Variants in OXR1 observed in about 807,000 individuals in gnomAD.
OXR1 encodes the protein oxidation resistance protein 1.
In OXR1, 41 loss-of-function variants were observed where a neutral mutation model predicts 104.6. That is an observed-to-expected ratio of 0.39 (90% CI 0.31 to 0.51). The LOEUF (loss-of-function observed/expected upper bound fraction) is 0.51, where lower values mean the gene tolerates loss of function less well. OXR1 is among the 20% of genes least tolerant of loss of function. The pLI is 0.77. For missense variants in OXR1, 955 were observed against 1,031.9 expected (o/e 0.93, Z 1.02); for synonymous variants, 348 against 348.4 (o/e 1.00, Z 0.01).
At chr8:106,289,301 C>G (rs1586477805) in intron 1 of OXR1, among the ~76,000 whole-genome samples, 1 of 152,210 alleles carries the variant, frequency 6.6e-6, no homozygotes, top group Middle Eastern at 3.4e-3. Context: ...AACTGATAAG[C>G]TATTTTAATA....
At chr8:106,492,103 C>T (rs879222492) in intron 2 of OXR1, among the ~76,000 whole-genome samples, 1 of 152,248 alleles carries the variant, frequency 6.6e-6, no homozygotes, top group East Asian at 1.9e-4. Context: ...ATAACTTTTG[C>T]CTGATGTCCA....
At chr8:106,450,882 C>T (rs1820277447) in intron 2 of OXR1, among the ~76,000 whole-genome samples, 1 of 152,006 alleles carries the variant, frequency 6.6e-6, no homozygotes, top group African/African-American at 2.4e-5. Flanking sequence ...CTTATCTAGT[C>T]ATTCCCCTAA....
chr8:106,332,366 A>G (rs1814754493), intron 1 of OXR1, among the ~76,000 whole-genome samples: 1 of 152,188 alleles, frequency 6.6e-6, no homozygotes, highest in Non-Finnish European at 1.5e-5. Flanking sequence ...TAAGAAACTT[A>G]AAATGCTTAT....
At chr8:106,680,592 C>A (rs950381109) in intron 4 of OXR1, among the ~76,000 whole-genome samples, 1 of 152,022 alleles carries the variant, frequency 6.6e-6, no homozygotes, top group African/African-American at 2.4e-5. Context: ...TTGATTGTAT[C>A]TTCTGTCTGC....
chr8:106,512,227 G>A (rs1422992765), intron 2 of OXR1, among the ~76,000 whole-genome samples: 1 of 152,146 alleles, frequency 6.6e-6, no homozygotes, highest in Non-Finnish European at 1.5e-5. Flanking sequence ...CCACATTATG[G>A]ATTCAATTCC....
intron 2 of OXR1, among the ~76,000 whole-genome samples, chr8:106,424,782 ATAATT>A (rs1168167498): frequency 2.0e-5 from 3 of 152,194 alleles, no homozygotes; most frequent in African/African-American, 7.2e-5. Flanking sequence ...TTTGATTACT[ATAATT>A]TATTTTTTTA....
intron 6 of OXR1, among the ~76,000 whole-genome samples, chr8:106,685,159 T>A (rs894954125): frequency 1.3e-5 from 2 of 152,184 alleles, no homozygotes; most frequent in African/African-American, 2.4e-5. Flanking sequence ...TTACATTTGT[T>A]GTCATCATTG....
intron 7 of OXR1, among the ~76,000 whole-genome samples, chr8:106,694,927 T>C (rs9693378): frequency 1.5e-5 from 2 of 136,638 alleles, no homozygotes; most frequent in East Asian, 4.1e-4. Flanking sequence ...TTATATATAT[T>C]TATATATATA....
At chr8:106,379,765 A>C (rs560034903) in intron 2 of OXR1, among the ~76,000 whole-genome samples, 2 of 151,212 alleles carry the variant, frequency 1.3e-5, no homozygotes, top group African/African-American at 4.8e-5. Context: ...GTGGTCTCGA[A>C]CTCCTGGCCT....
intron 2 of OXR1, among the ~76,000 whole-genome samples, chr8:106,427,853 A>G (rs977955929): frequency 1.3e-5 from 2 of 152,168 alleles, no homozygotes; most frequent in African/African-American, 4.8e-5. Context: ...ACAGAGGCTG[A>G]CATGTTTCTG....
At chr8:106,357,394 T>G (rs550774861) in intron 1 of OXR1, among the ~76,000 whole-genome samples, 46 of 152,270 alleles carry the variant, frequency 3.0e-4, no homozygotes, top group African/African-American at 1.0e-3. Flanking sequence ...CAGCCTCTTT[T>G]GGAATGTAAA....
chr8:106,298,999 C>T (rs957845054), intron 1 of OXR1, among the ~76,000 whole-genome samples: 4 of 151,722 alleles, frequency 2.6e-5, no homozygotes, highest in African/African-American at 9.7e-5. Context: ...CTTATTTAAT[C>T]TCACACATAT....
chr8:106,358,632 C>T (rs1816089968), intron 1 of OXR1, among the ~76,000 whole-genome samples: 1 of 152,072 alleles, frequency 6.6e-6, no homozygotes, highest in African/African-American at 2.4e-5. Flanking sequence ...GATTAATGAC[C>T]TGACTGAATA....
At chr8:106,724,309 TAAC>T (rs1430162204) in intron 11 of OXR1, among the ~76,000 whole-genome samples, 1 of 152,210 alleles carries the variant, frequency 6.6e-6, no homozygotes, top group South Asian at 2.1e-4. Context: ...GTTATAATAA[TAAC>T]AATTGACATC....
chr8:106,741,405 A>G (rs1489892215), intron 14 of OXR1, among the ~76,000 whole-genome samples: 1 of 152,170 alleles, frequency 6.6e-6, no homozygotes, highest in Non-Finnish European at 1.5e-5. Flanking sequence ...GAGAGCTTCT[A>G]GAACTAGTAG....
chr8:106,354,635 G>A (rs937089644), intron 1 of OXR1, among the ~76,000 whole-genome samples: 4 of 151,958 alleles, frequency 2.6e-5, no homozygotes, highest in Admixed American at 2.6e-4. Flanking sequence ...AACCATTTTG[G>A]TTCTTCCAAG....
intron 3 of OXR1, among the ~76,000 whole-genome samples, chr8:106,636,049 T>C (rs1174697985): frequency 6.6e-6 from 1 of 152,220 alleles, no homozygotes; most frequent in Non-Finnish European, 1.5e-5. Context: ...GGCTCTGTTC[T>C]AGCCCTGTAC....
intron 1 of OXR1, among the ~76,000 whole-genome samples, chr8:106,300,397 T>C (rs1346296441): frequency 2.0e-5 from 3 of 152,130 alleles, no homozygotes; most frequent in Non-Finnish European, 4.4e-5. Flanking sequence ...GCTTATTCCA[T>C]TTGGATAGAG....
At chr8:106,365,876 T>C (rs1356896842) in intron 2 of OXR1, among the ~76,000 whole-genome samples, 2 of 152,206 alleles carry the variant, frequency 1.3e-5, no homozygotes, top group East Asian at 3.8e-4. Context: ...TAGACATAAA[T>C]CACATCCTTG....
Sources: allele counts gnomAD v4.1 joint callset (sites outside exome capture counted in the v4.1 genomes callset), GRCh38; gene constraint gnomAD v4.1.1; transcripts MANE v1.5; gene names NCBI Gene and HGNC (gene_info 2026-07-23, HGNC 2026-07-21).